Variants in SYNJ2 observed in about 807,000 individuals in gnomAD.
The protein encoded by SYNJ2 is synaptojanin 2, also known as polyphosphatidylinositol phosphatase SYNJ2.
SYNJ2 carries 116 observed loss-of-function variants against 141.3 expected under a neutral mutation model. That is an observed-to-expected ratio of 0.82 (90% CI 0.71 to 0.96). The LOEUF (loss-of-function observed/expected upper bound fraction) is 0.96, where lower values mean the gene tolerates loss of function less well. SYNJ2 is among the 40% of genes least tolerant of loss of function. The pLI is 0.00. For synonymous variants in SYNJ2, 745 were observed against 777.7 expected (o/e 0.96, Z 0.70); for missense variants, 1,873 against 1,934.8 (o/e 0.97, Z 0.60).
At chr6:157,994,234 C>A (rs887124166) in intron 1 of SYNJ2, among the ~76,000 whole-genome samples, 3 of 152,148 alleles carry the variant, frequency 2.0e-5, no homozygotes, top group Non-Finnish European at 4.4e-5. Flanking sequence ...TGGAAACATT[C>A]TCTTTAAGAG....
At chr6:158,086,699 C>G (rs1583504233) in intron 22 of SYNJ2, among the ~76,000 whole-genome samples, 156 bp from the exon 23 acceptor site, 1 of 150,782 alleles carries the variant, frequency 6.6e-6, no homozygotes, top group Admixed American at 6.6e-5. Flanking sequence ...GCCCCCGCCC[C>G]TCGCCGGCAG....
chr6:158,047,204 G>C (rs1562355204), intron 5 of SYNJ2, among the ~76,000 whole-genome samples: 1 of 152,148 alleles, frequency 6.6e-6, no homozygotes, highest in South Asian at 2.1e-4. Context: ...GATGCATGCC[G>C]TGGGTCTTGT....
intron 22 of SYNJ2, among the ~76,000 whole-genome samples, chr6:158,085,905 G>C (rs1583502044): frequency 6.6e-6 from 1 of 152,104 alleles, no homozygotes; most frequent in East Asian, 1.9e-4. Context: ...GAAGTGGCTG[G>C]AGGGATGTGC....
At chr6:158,062,240 TGTGCCTTCTGCTGGGTGAGGCGGCAGAG>T in intron 8 of SYNJ2, 76 bp downstream of exon 8, 1 of 1,564,966 alleles carries the variant, frequency 6.4e-7, no homozygotes, top group Non-Finnish European at 8.7e-7. Context: ...CGCTGCGTGC[TGTGCCTTCTGCTGGGTGAGGCGGCAGAG>T]GGGCCGTGCA....
intron 1 of SYNJ2, among the ~76,000 whole-genome samples, chr6:158,011,585 G>A (rs540701907): frequency 2.0e-4 from 31 of 152,242 alleles, no homozygotes; most frequent in South Asian, 8.3e-4. Context: ...ATAGAAAGTC[G>A]TGTTTTTACT....
At chr6:158,057,042 A>G (rs1780908929) in intron 6 of SYNJ2, among the ~76,000 whole-genome samples, 1 of 151,850 alleles carries the variant, frequency 6.6e-6, no homozygotes, top group Admixed American at 6.5e-5. Context: ...CTCACAGGAC[A>G]GTGAACCCCT....
At chr6:158,026,038 A>G (rs1204850522) in intron 2 of SYNJ2, among the ~76,000 whole-genome samples, 1 of 151,710 alleles carries the variant, frequency 6.6e-6, no homozygotes, top group Non-Finnish European at 1.5e-5. Context: ...AACTAATCCG[A>G]TTGGAAACTG....
chr6:158,074,759 A>G, intron 16 of SYNJ2, 21 bp downstream of exon 16: 1 of 1,609,664 alleles, frequency 6.2e-7, no homozygotes, highest in Non-Finnish European at 8.5e-7. Flanking sequence ...CTTTAAAAAC[A>G]TTTTTTAGCA....
intron 23 of SYNJ2, among the ~76,000 whole-genome samples, chr6:158,087,400 C>T (rs1208835237): frequency 5.9e-5 from 9 of 152,166 alleles, no homozygotes; most frequent in Non-Finnish European, 8.8e-5. Flanking sequence ...TGGAGGTGAC[C>T]TGGTCACCCC....
At chr6:158,005,294 G>A (rs915317832) in intron 1 of SYNJ2, among the ~76,000 whole-genome samples, 3 of 152,032 alleles carry the variant, frequency 2.0e-5, no homozygotes, top group African/African-American at 7.2e-5. Flanking sequence ...AGCCAGGATG[G>A]TCTCAATCTC....
chr6:158,082,072 C>T (rs545624541), intron 20 of SYNJ2, among the ~76,000 whole-genome samples: 6 of 152,240 alleles, frequency 3.9e-5, no homozygotes, highest in East Asian at 3.9e-4. Flanking sequence ...GAAGGGTGGG[C>T]GCAGTGGCTT....
At chr6:158,082,219 T>A (rs1782736754) in intron 20 of SYNJ2, among the ~76,000 whole-genome samples, 1 of 152,066 alleles carries the variant, frequency 6.6e-6, no homozygotes, top group Non-Finnish European at 1.5e-5. Flanking sequence ...CTGGGTGTGG[T>A]GGCTTACGCC....
intron 4 of SYNJ2, among the ~76,000 whole-genome samples, chr6:158,042,615 T>G (rs1442917275): frequency 1.3e-5 from 2 of 152,274 alleles, no homozygotes; most frequent in Non-Finnish European, 2.9e-5. Flanking sequence ...ATTGGAGGCC[T>G]GCAGGCACAC....
intron 1 of SYNJ2, among the ~76,000 whole-genome samples, chr6:158,003,450 C>A (rs1276430322): frequency 6.6e-6 from 1 of 152,178 alleles, no homozygotes; most frequent in African/African-American, 2.4e-5. Context: ...GAGCAGCCAC[C>A]AGCCAGTCAG....
chr6:158,068,085 T>A, intron 12 of SYNJ2: 1 of 644,200 alleles, frequency 1.6e-6, no homozygotes, highest in Non-Finnish European at 1.9e-6. Flanking sequence ...AGGAAAGGAG[T>A]GCTGTGGTTA....
At chr6:158,017,704 C>G (rs751517021) in intron 2 of SYNJ2, 20 of 518,332 alleles carry the variant, frequency 3.9e-5, no homozygotes, top group Admixed American at 3.4e-4. Flanking sequence ...CATGAGCCGC[C>G]GTGCCTGGCC....
chr6:158,039,654 C>G (rs765031419), intron 4 of SYNJ2, among the ~76,000 whole-genome samples: 1 of 152,194 alleles, frequency 6.6e-6, no homozygotes, highest in Admixed American at 6.5e-5. Flanking sequence ...CTTTAACGTG[C>G]TCCTGTAGAC....
In SYNJ2 at chr6:158,084,401, A is replaced by AC. The variant is rs887484585; in HGVS notation, c.3208+232dup. ...AGTTTATTTTTTTACAATAACTTGT[A>AC]CCCCCATAACACACCAGATTCAAGA... On this transcript the variant is annotated intron_variant, in intron 22 of 26. Transcript: ENST00000355585. The surrounding 1 kb of genome is among the most constrained non-coding windows in gnomAD (Gnocchi z 5.0). 3.3e-5 allele frequency among the ~76,000 whole-genome samples: 5 copies of AC among 151,992 alleles called. No homozygotes were observed. The highest frequency in any genetic ancestry group is 1.2e-4 in the African/African-American group (5 of 41,422).
intron 3 of SYNJ2, 78 bp from the exon 4 acceptor site, chr6:158,033,377 C>A: frequency 2.6e-6 from 4 of 1,514,314 alleles, no homozygotes; most frequent in Non-Finnish European, 3.6e-6. Context: ...CCCAGTTCCT[C>A]AGCCACACTC....
Sources: gnomAD v4.1 joint callset for allele counts (sites outside exome capture counted in the v4.1 genomes callset) on GRCh38, gnomAD v4.1.1 for gene constraint, Gnocchi (gnomAD v3.1) non-coding constraint, MANE v1.5 for transcripts, NCBI Gene and HGNC (gene_info 2026-07-23, HGNC 2026-07-21) for gene names.